The following CD226 variants were observed in gnomAD, a reference collection of about 807,000 sequenced individuals.
CD226 encodes CD226 molecule.
A neutral mutation model predicts 34.9 loss-of-function variants in CD226; 24 were observed. That is an observed-to-expected ratio of 0.69 (90% CI 0.50 to 0.97). CD226 has a LOEUF of 0.97. Among genes scored for constraint, CD226 ranks in the 50% least tolerant of loss-of-function variants. The pLI is 0.00. For synonymous variants in CD226, 148 were observed against 147.4 expected (o/e 1.00, Z -0.03); for missense variants, 397 against 412.7 (o/e 0.96, Z 0.33).
rs1420637308 is a variant in CD226 at position 69,854,005 on chromosome 18, G to GA, written c.*10308dup. 6.6e-6 allele frequency: 1 copy of GA among 152,186 alleles called. No individual in the cohort carries two copies. Among genetic ancestry groups the GA allele is most frequent in the African/African-American group, 2.4e-5 (1 of 41,442 alleles). 9.4% of individuals were successfully genotyped at this position (152,186 alleles called of 1,614,324 possible). On this transcript the variant is annotated 3_prime_UTR_variant, in exon 6 of 6. Transcript: ENST00000582621. Reference sequence around the variant, plus strand: ...CAACAGGAACCCTAGTGCAGTATCAGAAAGTCAGGGCAAAGAGACAGGTCA... The same window carrying GA: ...CAACAGGAACCCTAGTGCAGTATCAGAAAAGTCAGGGCAAAGAGACAGGTCA...
intron 3 of CD226, among the ~76,000 whole-genome samples, chr18:69,877,294 A>T (rs368973238): frequency 6.6e-6 from 1 of 152,110 alleles, no homozygotes; most frequent in Admixed American, 6.5e-5. Context: ...AATATCAAGG[A>T]TATTGCAAGG....
At chr18:69,910,667 C>T (rs549816990) in intron 2 of CD226, among the ~76,000 whole-genome samples, 16 of 152,138 alleles carry the variant, frequency 1.1e-4, no homozygotes, top group Admixed American at 2.6e-4. Context: ...GCTGAGTTAA[C>T]GGTAGTATAC....
At chr18:69,873,065 C>T (rs1250232532) in intron 4 of CD226, 79 bp downstream of exon 4, 3 of 818,826 alleles carry the variant, frequency 3.7e-6, no homozygotes, top group African/African-American at 3.4e-5. Flanking sequence ...AATGCTGAGA[C>T]AGCTTGACAA....
At chr18:69,864,699 C>T (rs1336254018) in intron 5 of CD226, among the ~76,000 whole-genome samples, 1 of 152,104 alleles carries the variant, frequency 6.6e-6, no homozygotes, top group Non-Finnish European at 1.5e-5. Flanking sequence ...ACTCCCTCTC[C>T]CAATGTTAAG....
chr18:69,901,653 G>A (rs933099529), intron 2 of CD226, among the ~76,000 whole-genome samples: 4 of 152,102 alleles, frequency 2.6e-5, no homozygotes, highest in African/African-American at 9.7e-5. Context: ...GCCGAGGCAG[G>A]CAGATCACGA....
chr18:69,949,162 C>T (rs73464800), upstream of CD226, among the ~76,000 whole-genome samples: 1,028 of 152,186 alleles, frequency 6.8e-3, 4 homozygotes, highest in Middle Eastern at 0.01. Context: ...TCAGAAACCG[C>T]GGCGTCATGC....
At chr18:69,933,814 T>C (rs1309722107) in intron 2 of CD226, among the ~76,000 whole-genome samples, 1 of 152,208 alleles carries the variant, frequency 6.6e-6, no homozygotes, top group Admixed American at 6.5e-5. Flanking sequence ...ATGTTAAGAA[T>C]GAAAATTCAA....
intron 2 of CD226, among the ~76,000 whole-genome samples, chr18:69,908,271 A>G (rs2055280873): frequency 6.6e-6 from 1 of 152,226 alleles, no homozygotes; most frequent in African/African-American, 2.4e-5. Context: ...GGCAAAAATA[A>G]TTTCTAAAAT....
Position 69,921,941 on chromosome 18 carries a change from T to C in CD226, c.382+24793A>G, listed in dbSNP as rs1170182832. ...GAAATTAAAAACAAGCTCCCATTTT[T>C]GTCTTTGGAAAACTCCACTTGAGGA... On this transcript the variant is annotated intron_variant, in intron 2 of 5. Coordinates refer to ENST00000582621, the MANE Select transcript of CD226 (RefSeq NM_001303618.2). 4.6e-5 allele frequency among the ~76,000 whole-genome samples: 7 copies of C among 152,176 alleles called. No individual in the cohort carries two copies. The South Asian group carries it at 1.0e-3, about 23-fold the overall frequency.
At chr18:69,918,810 C>T (rs926682265) in intron 2 of CD226, among the ~76,000 whole-genome samples, 1 of 152,124 alleles carries the variant, frequency 6.6e-6, no homozygotes, top group South Asian at 2.1e-4. Context: ...CACCCCTGTG[C>T]AAATAGGGGA....
chr18:69,924,656 C>A (rs2055497920), intron 2 of CD226, among the ~76,000 whole-genome samples: 2 of 65,022 alleles, frequency 3.1e-5, no homozygotes, highest in African/African-American at 1.2e-4. Context: ...GCTGAACTGA[C>A]AAAGTCAAAG....
rs574543275 is a variant in CD226, at chr18:69,864,119, A to G, written c.*195T>C. 16 of 559,150 alleles carry G rather than the reference A, an allele frequency of 2.9e-5. No individual in the cohort carries two copies. The highest frequency in any genetic ancestry group is 9.5e-5 in the Admixed American group (3 of 31,442). 34.6% of individuals were successfully genotyped at this position (559,150 alleles called of 1,614,324 possible). Reference sequence around the variant, plus strand: ...ACAGTAAGTTTTCTTTTGTATATAAACCAGTTAGAGTCAGGTTTTCTGAAA... The same window carrying G: ...ACAGTAAGTTTTCTTTTGTATATAAGCCAGTTAGAGTCAGGTTTTCTGAAA... On this transcript the variant is annotated 3_prime_UTR_variant, in exon 6 of 6. Transcript: ENST00000582621.
At chr18:69,891,295 A>C (rs977839665) in intron 3 of CD226, among the ~76,000 whole-genome samples, 1 of 152,070 alleles carries the variant, frequency 6.6e-6, no homozygotes, top group African/African-American at 2.4e-5. Flanking sequence ...GATTAAAAAA[A>C]AAAAACTCTC....
At chr18:69,886,042 T>C (rs996294708) in intron 3 of CD226, among the ~76,000 whole-genome samples, 3 of 152,184 alleles carry the variant, frequency 2.0e-5, no homozygotes, top group African/African-American at 7.2e-5. Context: ...CACCAGCTTC[T>C]GTTGTGATGA....
intron 2 of CD226, among the ~76,000 whole-genome samples, chr18:69,912,800 T>A (rs753730642): frequency 1.3e-5 from 2 of 152,186 alleles, no homozygotes; most frequent in Non-Finnish European, 2.9e-5. Context: ...TTGTATCATT[T>A]TATAGAGGAT....
At position 69,885,858 on chromosome 18, in the gene CD226, C is replaced by T. The variant is rs114169721; in HGVS notation, c.727+9843G>A. Among the ~76,000 whole-genome samples the T allele has an allele frequency of 9.9e-3, 1,507 of 152,190 alleles. 28 individuals are homozygous for T. Among genetic ancestry groups the T allele is most frequent in the African/African-American group, 0.034 (1,415 of 41,504 alleles). On this transcript the variant is annotated intron_variant, in intron 3 of 5. Coordinates refer to ENST00000582621, the MANE Select transcript of CD226 (RefSeq NM_001303618.2). Reference sequence around the variant, plus strand: ...AGACAGGAAGGAAGGGGAGAAGGTCCCCTCATAGCATTGGCGTCAGCGAAG... The same window carrying T: ...AGACAGGAAGGAAGGGGAGAAGGTCTCCTCATAGCATTGGCGTCAGCGAAG...
intron 2 of CD226, among the ~76,000 whole-genome samples, chr18:69,908,938 T>TTTATCCTGTGATGCCACC (rs1444454010): frequency 6.6e-6 from 1 of 152,242 alleles, no homozygotes; most frequent in Non-Finnish European, 1.5e-5. Flanking sequence ...TCCTTCAAAA[T>TTTATCCTGTGATGCCACC]TTATCCTGTG....
At chr18:69,885,224 T>A (rs1272951595) in intron 3 of CD226, among the ~76,000 whole-genome samples, 3 of 152,200 alleles carry the variant, frequency 2.0e-5, no homozygotes, top group African/African-American at 4.8e-5. Context: ...TTAAATATAT[T>A]ATGTATTTAG....
intron 2 of CD226, among the ~76,000 whole-genome samples, chr18:69,938,232 A>G (rs922907157): frequency 6.6e-6 from 1 of 152,160 alleles, no homozygotes; most frequent in Non-Finnish European, 1.5e-5. Context: ...TCTACTATAA[A>G]TATGAGTTCT....
Sources: allele counts gnomAD v4.1 joint callset (sites outside exome capture counted in the v4.1 genomes callset), GRCh38; gene constraint gnomAD v4.1.1; transcripts MANE v1.5; gene names NCBI Gene and HGNC (gene_info 2026-07-23, HGNC 2026-07-21).